The following UTRN variants were observed in gnomAD, a reference collection of about 807,000 sequenced individuals.
The protein encoded by UTRN is utrophin.
Under a neutral mutation model 463.9 loss-of-function variants are expected in UTRN, and 283 were observed. The ratio of observed to expected loss-of-function variants is 0.61; its 90% confidence interval spans 0.55 to 0.67. The LOEUF is 0.67. UTRN is among the 30% of genes least tolerant of loss of function. The pLI is 0.00. For synonymous variants in UTRN, 1,442 were observed against 1,431.5 expected, an observed-to-expected ratio of 1.01 and a Z score of -0.17; for missense variants, 3,922 against 4,084.3, an observed-to-expected ratio of 0.96 and a Z score of 1.08.
chr6:144,436,698 T>C (rs761724666), intron 10 of UTRN, among the ~76,000 whole-genome samples: 101 of 149,322 alleles, frequency 6.8e-4, no homozygotes, highest in Non-Finnish European at 1.1e-3. Context: ...TAGAAAATAA[T>C]ATAAGTGGTA....
chr6:144,347,707 T>A (rs984121605), intron 2 of UTRN, among the ~76,000 whole-genome samples: 18 of 152,060 alleles, frequency 1.2e-4, no homozygotes, highest in African/African-American at 4.1e-4. Context: ...GGTGTCCTTA[T>A]GAGGCAAGGC....
chr6:144,340,331 A>G (rs1489049103), intron 2 of UTRN, among the ~76,000 whole-genome samples: 1 of 152,210 alleles, frequency 6.6e-6, no homozygotes, highest in Non-Finnish European at 1.5e-5. Flanking sequence ...GTTAGGACTG[A>G]CAGTTATAAT....
intron 19 of UTRN, among the ~76,000 whole-genome samples, chr6:144,455,163 G>A (rs2128558938): frequency 6.6e-6 from 1 of 152,198 alleles, no homozygotes; most frequent in East Asian, 1.9e-4. Flanking sequence ...CATGTGGACA[G>A]TGTATGTCCA....
At chr6:144,444,200 G>A in intron 13 of UTRN, 81 bp from the exon 14 acceptor site, 1 of 1,143,768 alleles carries the variant, frequency 8.7e-7, no homozygotes, top group Non-Finnish European at 1.2e-6. Context: ...AAAGAACAAT[G>A]GAAATCATGA....
intron 14 of UTRN, among the ~76,000 whole-genome samples, chr6:144,445,332 CAA>C (rs1219558548): frequency 9.1e-6 from 1 of 109,828 alleles, no homozygotes; most frequent in Non-Finnish European, 1.7e-5. Context: ...GCCTGGGAGA[CAA>C]GAGCGAGACT....
At chr6:144,635,530 C>CTTTTTTTTTT (rs1562685915) in intron 51 of UTRN, among the ~76,000 whole-genome samples, 10 of 59,082 alleles carry the variant, frequency 1.7e-4, no homozygotes, top group South Asian at 6.6e-4. Flanking sequence ...TTTTTTTTTT[C>CTTTTTTTTTT]TTTTCTTTTT....
At chr6:144,726,338 C>T (rs1787879843) in intron 53 of UTRN, among the ~76,000 whole-genome samples, 1 of 152,058 alleles carries the variant, frequency 6.6e-6, no homozygotes, top group Admixed American at 6.6e-5. Flanking sequence ...CCTGAGGGCG[C>T]ACACTGTGAC....
intron 58 of UTRN, among the ~76,000 whole-genome samples, chr6:144,770,441 C>G (rs541257071): frequency 1.3e-5 from 2 of 152,278 alleles, no homozygotes; most frequent in Admixed American, 6.5e-5. Context: ...ATATCACTCT[C>G]TTAGGTACTA....
intron 41 of UTRN, 151 bp from the exon 42 acceptor site, chr6:144,530,901 C>A (rs572266929): frequency 1.5e-5 from 12 of 803,902 alleles, no homozygotes; most frequent in Non-Finnish European, 1.9e-5. Context: ...TATCCCACTA[C>A]GAAAATTGGT....
intron 51 of UTRN, among the ~76,000 whole-genome samples, chr6:144,617,697 G>A (rs751747396): frequency 1.1e-4 from 16 of 152,122 alleles, no homozygotes; most frequent in Non-Finnish European, 2.4e-4. Flanking sequence ...CTTCTCTTTA[G>A]GAAGGTGTTC....
At chr6:144,451,809 A>G (rs1788343514) in intron 18 of UTRN, among the ~76,000 whole-genome samples, 1 of 152,176 alleles carries the variant, frequency 6.6e-6, no homozygotes, top group Non-Finnish European at 1.5e-5. Flanking sequence ...GTATCTAATA[A>G]TTTATGACTC....
At chr6:144,440,579 A>G in intron 13 of UTRN, 108 bp downstream of exon 13, 1 of 1,439,162 alleles carries the variant, frequency 6.9e-7, no homozygotes, top group Non-Finnish European at 9.6e-7. Context: ...CCAGAAGGGT[A>G]GAAAAACCTA....
intron 60 of UTRN, among the ~76,000 whole-genome samples, chr6:144,780,157 A>G (rs1775691058): frequency 6.6e-6 from 1 of 152,182 alleles, no homozygotes; most frequent in South Asian, 2.1e-4. Context: ...ATACAAAGGA[A>G]GCTATTTGTT....
intron 51 of UTRN, among the ~76,000 whole-genome samples, chr6:144,653,946 G>T (rs901451595): frequency 5.9e-5 from 9 of 152,196 alleles, no homozygotes; most frequent in Non-Finnish European, 1.3e-4. Flanking sequence ...CATGAAAGGT[G>T]CATAATACAT....
At chr6:144,553,670 A>G (rs762954867) in intron 48 of UTRN, among the ~76,000 whole-genome samples, 1 of 152,144 alleles carries the variant, frequency 6.6e-6, no homozygotes, top group Admixed American at 6.5e-5. Context: ...TAATCCCAAC[A>G]CTTTGGGAGG....
At chr6:144,292,050 A>C (rs1331071748) in intron 2 of UTRN, 143 bp downstream of exon 2, 1 of 812,986 alleles carries the variant, frequency 1.2e-6, no homozygotes, top group African/African-American at 1.8e-5. Context: ...AATGACTATA[A>C]TTTTGTAAAA....
chr6:144,514,633 T>G lies in UTRN; in HGVS notation c.5074-17T>G, dbSNP rs755535510. 5.6e-6 allele frequency: 9 copies of G among 1,610,634 alleles called. No homozygotes were observed. The Admixed American group carries it at 1.4e-4, about 24-fold the overall frequency. ...TGATTTTTCCCATGAGATAATTTTG[T>G]GTTTTCTTATAATTAGCGTTTAGTA... On this transcript the variant is annotated splice_polypyrimidine_tract_variant and intron_variant, in intron 36 of 74. Coordinates refer to ENST00000367545, the MANE Select transcript of UTRN (RefSeq NM_007124.3).
intron 54 of UTRN, among the ~76,000 whole-genome samples, chr6:144,732,235 T>TACAC (rs1263541050): frequency 1.2e-4 from 4 of 33,352 alleles, no homozygotes; most frequent in African/African-American, 4.0e-4. Flanking sequence ...TATATATATA[T>TACAC]ATACATATAT....
chr6:144,407,230 A>T (rs1421818920), intron 3 of UTRN, among the ~76,000 whole-genome samples: 1 of 152,132 alleles, frequency 6.6e-6, no homozygotes, highest in Non-Finnish European at 1.5e-5. Flanking sequence ...TTTGGCATTT[A>T]GTAGGTATCC....
Sources: allele counts gnomAD v4.1 joint callset (sites outside exome capture counted in the v4.1 genomes callset), GRCh38; gene constraint gnomAD v4.1.1; transcripts MANE v1.5; gene names NCBI Gene and HGNC (gene_info 2026-07-23, HGNC 2026-07-21).